CHCHD6: variants seen among roughly 807,000 people sequenced by gnomAD.
CHCHD6 encodes coiled-coil-helix-coiled-coil-helix domain containing 6, also known as MICOS complex subunit MIC25.
In CHCHD6, 28 loss-of-function variants were observed where a neutral mutation model predicts 32.3. That is an observed-to-expected ratio of 0.87 (90% CI 0.64 to 1.19). CHCHD6 has a LOEUF of 1.19. CHCHD6 is among the 50% of genes most tolerant of loss of function. The pLI is 0.00. For missense variants in CHCHD6, 333 were observed against 307.0 expected, an observed-to-expected ratio of 1.08 and a Z score of -0.63; for synonymous variants, 122 against 117.5, an observed-to-expected ratio of 1.04 and a Z score of -0.25.
intron 6 of CHCHD6, among the ~76,000 whole-genome samples, chr3:126,915,460 G>T (rs2078155107): frequency 6.6e-6 from 1 of 152,204 alleles, no homozygotes; most frequent in South Asian, 2.1e-4. Flanking sequence ...AAGGAATTGG[G>T]TCTTATGGGT....
At chr3:126,841,792 G>A (rs753078615) in intron 4 of CHCHD6, among the ~76,000 whole-genome samples, 2 of 151,980 alleles carry the variant, frequency 1.3e-5, no homozygotes, top group Non-Finnish European at 2.9e-5. Flanking sequence ...GCATGTGCCT[G>A]TGATCCCAGC....
intron 2 of CHCHD6, 51 bp from the exon 3 acceptor site, chr3:126,730,510 C>T (rs780911382): frequency 1.4e-5 from 22 of 1,517,688 alleles, no homozygotes; most frequent in South Asian, 2.3e-5. Context: ...TCTGTGACTT[C>T]GTGGACCCTG....
Position 126,758,208 on chromosome 3 carries a change from T to C in CHCHD6, c.411+24986T>C, listed in dbSNP as rs542453770. 2.6e-5 allele frequency among the ~76,000 whole-genome samples: 4 copies of C among 152,334 alleles called. No individual in the cohort carries two copies. The South Asian group carries it at 8.3e-4, about 32-fold the overall frequency. ...GAAGATGCTTCTGGTGTATTGACAATCTTTCTGTGGCCATCAGCGCCCATC... is the reference window on the plus strand; with the variant it reads ...GAAGATGCTTCTGGTGTATTGACAACCTTTCTGTGGCCATCAGCGCCCATC... On this transcript the variant is annotated intron_variant, in intron 4 of 7. Transcript: ENST00000290913.
intron 1 of CHCHD6, among the ~76,000 whole-genome samples, chr3:126,706,249 A>T (rs1212706667): frequency 6.6e-6 from 1 of 152,218 alleles, no homozygotes; most frequent in South Asian, 2.1e-4. Context: ...TATATAAGAC[A>T]GGTACATTTC....
At chr3:126,923,980 G>C (rs112209446) in intron 6 of CHCHD6, among the ~76,000 whole-genome samples, 2 of 152,316 alleles carry the variant, frequency 1.3e-5, no homozygotes, top group African/African-American at 4.8e-5. Flanking sequence ...CCAGAGAGAT[G>C]CTCACCTGTG....
intron 5 of CHCHD6, among the ~76,000 whole-genome samples, chr3:126,897,657 A>C (rs2077860325): frequency 6.6e-6 from 1 of 152,268 alleles, no homozygotes. Context: ...AGCTATAAAA[A>C]GGAGACGATG....
intron 4 of CHCHD6, among the ~76,000 whole-genome samples, chr3:126,762,864 T>C (rs1212336806): frequency 1.3e-5 from 2 of 152,198 alleles, no homozygotes; most frequent in Non-Finnish European, 2.9e-5. Context: ...CTACTTTATT[T>C]TGCATATTAT....
At chr3:126,898,161 C>T (rs971721879) in intron 5 of CHCHD6, among the ~76,000 whole-genome samples, 4 of 152,258 alleles carry the variant, frequency 2.6e-5, no homozygotes, top group South Asian at 2.1e-4. Flanking sequence ...TGCCGCCAGC[C>T]CGGCTCGCAC....
intron 1 of CHCHD6, among the ~76,000 whole-genome samples, chr3:126,723,724 C>G (rs1559805135): frequency 6.6e-6 from 1 of 152,114 alleles, no homozygotes; most frequent in Non-Finnish European, 1.5e-5. Context: ...ATTTCCTTTT[C>G]TTTTTTCCCT....
At chr3:126,946,242 G>A (rs544086383) in intron 6 of CHCHD6, among the ~76,000 whole-genome samples, 6 of 152,282 alleles carry the variant, frequency 3.9e-5, no homozygotes, top group South Asian at 2.1e-4. Context: ...CTTTCCTTCC[G>A]CCTTGCCAAA....
chr3:126,763,150 T>C (rs1415487511), intron 4 of CHCHD6, among the ~76,000 whole-genome samples: 3 of 152,206 alleles, frequency 2.0e-5, no homozygotes, highest in Admixed American at 2.0e-4. Flanking sequence ...TTAACTGATT[T>C]GATTCCCTTC....
chr3:126,844,066 A>G (rs1169996547), intron 4 of CHCHD6, among the ~76,000 whole-genome samples: 1 of 152,126 alleles, frequency 6.6e-6, no homozygotes, highest in Non-Finnish European at 1.5e-5. Flanking sequence ...ACAATTTCTA[A>G]TTTAATCCTT....
chr3:126,811,508 G>T (rs1939651667), intron 4 of CHCHD6, among the ~76,000 whole-genome samples: 2 of 151,690 alleles, frequency 1.3e-5, no homozygotes, highest in Admixed American at 6.6e-5. Flanking sequence ...CAGACCACTT[G>T]TTTGTTATTT....
At chr3:126,718,870 A>G (rs980155657) in intron 1 of CHCHD6, among the ~76,000 whole-genome samples, 5 of 152,220 alleles carry the variant, frequency 3.3e-5, no homozygotes, top group Non-Finnish European at 7.3e-5. Flanking sequence ...CTGTGTGTGT[A>G]TGTATATTTG....
chr3:126,790,877 C>T (rs1322519892), intron 4 of CHCHD6, among the ~76,000 whole-genome samples: 3 of 152,206 alleles, frequency 2.0e-5, no homozygotes, highest in Non-Finnish European at 4.4e-5. Flanking sequence ...GAGCTGCTTT[C>T]CTTTGGAGGA....
At chr3:126,792,953 T>C (rs1002240397) in intron 4 of CHCHD6, among the ~76,000 whole-genome samples, 2 of 152,204 alleles carry the variant, frequency 1.3e-5, no homozygotes, top group African/African-American at 4.8e-5. Flanking sequence ...GATTGTTATG[T>C]CTTGGCAAGG....
intron 4 of CHCHD6, among the ~76,000 whole-genome samples, chr3:126,816,468 G>A (rs1028541772): frequency 6.6e-6 from 1 of 152,186 alleles, no homozygotes; most frequent in Non-Finnish European, 1.5e-5. Flanking sequence ...GACTTCTTAA[G>A]CCAGCCAGCT....
At chr3:126,786,276 C>T (rs754513998) in intron 4 of CHCHD6, among the ~76,000 whole-genome samples, 2 of 152,066 alleles carry the variant, frequency 1.3e-5, no homozygotes, top group African/African-American at 4.8e-5. Context: ...TGAATGGTGC[C>T]GCAATAAACA....
chr3:126,936,714 C>T (rs922245518), intron 6 of CHCHD6, among the ~76,000 whole-genome samples: 1 of 152,276 alleles, frequency 6.6e-6, no homozygotes, highest in African/African-American at 2.4e-5. Flanking sequence ...CACCACCACG[C>T]TCAGCTAATT....
Sources: allele counts gnomAD v4.1 joint callset (sites outside exome capture counted in the v4.1 genomes callset), GRCh38; gene constraint gnomAD v4.1.1; transcripts MANE v1.5; gene names NCBI Gene and HGNC (gene_info 2026-07-23, HGNC 2026-07-21).